Variants in TBCCD1 observed in about 807,000 individuals in gnomAD.
TBCCD1 encodes the protein TBCC domain-containing protein 1.
A neutral mutation model predicts 53.4 loss-of-function variants in TBCCD1; 26 were observed. The observed-to-expected ratio is 0.49, with a 90% CI of 0.36 to 0.68. The LOEUF (loss-of-function observed/expected upper bound fraction) is 0.68, where lower values mean the gene tolerates loss of function less well. TBCCD1 is among the 30% of genes least tolerant of loss of function. TBCCD1 has a pLI of 0.00. For synonymous variants in TBCCD1, 245 were observed against 241.7 expected (o/e 1.01, Z -0.13); for missense variants, 558 against 669.5 (o/e 0.83, Z 1.84).
rs1714519600 is a variant in TBCCD1, at chr3:186,555,654, G to T, written c.860-570C>A. 2.0e-5 allele frequency among the ~76,000 whole-genome samples: 3 copies of T among 152,088 alleles called. No individual in the cohort carries two copies. In the South Asian group the frequency reaches 6.2e-4, roughly 32 times the overall value. ...GTTCACTGTAACCTCCACCTCCCAGGTTCAAGAGATTCTCCTGCCTCAGCG... is the reference window on the plus strand; with the variant it reads ...GTTCACTGTAACCTCCACCTCCCAGTTTCAAGAGATTCTCCTGCCTCAGCG... On this transcript the variant is annotated intron_variant, in intron 4 of 7. Transcript: ENST00000338733.
chr3:186,560,831 T>C (rs755189531), intron 2 of TBCCD1, among the ~76,000 whole-genome samples: 2 of 152,210 alleles, frequency 1.3e-5, no homozygotes, highest in Admixed American at 6.5e-5. Context: ...CTCACACATA[T>C]ATGGTCAACT....
upstream of TBCCD1, chr3:186,567,479 G>A (rs557454444): frequency 3.9e-5 from 6 of 152,156 alleles, no homozygotes; most frequent in Admixed American, 1.3e-4. Context: ...GGGGTCGAGA[G>A]TCCGCAACAG....
At chr3:186,553,828 A>C (rs1714444917) in intron 6 of TBCCD1, among the ~76,000 whole-genome samples, 1 of 152,152 alleles carries the variant, frequency 6.6e-6, no homozygotes, top group African/African-American at 2.4e-5. Context: ...TTGAAATCCA[A>C]ACCTTAATTT....
intron 2 of TBCCD1, among the ~76,000 whole-genome samples, chr3:186,561,599 C>G (rs1025696447): frequency 3.3e-5 from 5 of 152,126 alleles, no homozygotes; most frequent in Admixed American, 1.3e-4. Context: ...ACCATCCTGG[C>G]TAACATGGTG....
At chr3:186,563,363 C>T (rs1197309663) in intron 2 of TBCCD1, among the ~76,000 whole-genome samples, 1 of 152,154 alleles carries the variant, frequency 6.6e-6, no homozygotes, top group Non-Finnish European at 1.5e-5. Context: ...TTTTATTATA[C>T]ATATCACACT....
upstream of TBCCD1, among the ~76,000 whole-genome samples, chr3:186,569,786 T>G (rs938667078): frequency 9.9e-5 from 15 of 152,112 alleles, no homozygotes; most frequent in African/African-American, 3.6e-4. Context: ...GGAGATGTAG[T>G]GAACAGATTG....
At chr3:186,557,889 T>C (rs1714586467) in intron 3 of TBCCD1, among the ~76,000 whole-genome samples, 1 of 152,190 alleles carries the variant, frequency 6.6e-6, no homozygotes, top group Admixed American at 6.5e-5. Flanking sequence ...TTTTTCAATA[T>C]ACTTACACAA....
At chr3:186,566,878 G>A (rs559231854) in intron 1 of TBCCD1, among the ~76,000 whole-genome samples, 1 of 152,342 alleles carries the variant, frequency 6.6e-6, no homozygotes, top group South Asian at 2.1e-4. Context: ...GCTGCTCTGT[G>A]AGGTACTGAG....
chr3:186,569,978 A>G (rs1714965998), upstream of TBCCD1: 4 of 597,752 alleles, frequency 6.7e-6, no homozygotes, highest in Non-Finnish European at 1.2e-5. Context: ...CCTGCTTACT[A>G]TACGCCCGAT....
Position 186,564,197 on chromosome 3 carries a change from T to A in TBCCD1, c.133A>T (p.Thr45Ser). 1 of 1,614,158 alleles carries A rather than the reference T, an allele frequency of 6.2e-7. No homozygotes were observed. Among genetic ancestry groups the A allele is most frequent in the African/African-American group, 1.3e-5 (1 of 75,018 alleles). The change falls in exon 2 of 8, where the codon ACA (threonine) becomes TCA (serine). Residue 45 changes from threonine to serine, a missense_variant. Thr to Ser is a moderately conservative substitution (Grantham distance 58). Transcript: ENST00000338733. ...TAGAGGCGCGGGTAAGCTCCTTCTG[T>A]GGCCCGGATTTGCACATAGGTGGAT... is the stretch of plus-strand genomic sequence containing the variant. Reference protein sequence around the residue: ...KISTYVQIRATEGAYPRLYWS... With the variant: ...KISTYVQIRASEGAYPRLYWS...
rs558535488 is a variant in TBCCD1, at chr3:186,547,587, T to C, written c.*22-632A>G. Among the ~76,000 whole-genome samples, 11 of 151,416 alleles carry C rather than the reference T, an allele frequency of 7.3e-5. 1 individual carries two copies. The South Asian group carries it at 2.3e-3, about 32-fold the overall frequency. The stretch of plus-strand genomic sequence containing the variant: ...CTAATTCTTAATTCTCAGCATTTAT[T>C]AATAAATATTGCTAAATTCTTTTTT... On this transcript the variant is annotated intron_variant, in intron 7 of 7. Coordinates refer to ENST00000338733, the MANE Select transcript of TBCCD1 (RefSeq NM_018138.5).
chr3:186,563,836 G>A lies in TBCCD1; in HGVS notation c.336+158C>T, dbSNP rs565951550. Among the ~76,000 whole-genome samples the A allele has an allele frequency of 1.1e-4, 17 of 152,328 alleles. No homozygotes were observed. The South Asian group carries it at 3.3e-3, about 30-fold the overall frequency. ...CCTAACATTTTGGGAGGCCGAGGCA[G>A]GAAGACTGCTTGAAGCCGGGAGTTC... On this transcript the variant is annotated intron_variant, in intron 2 of 7. Coordinates refer to ENST00000338733, the MANE Select transcript of TBCCD1 (RefSeq NM_018138.5).
chr3:186,564,376 G>A lies in TBCCD1; in HGVS notation c.-43-4C>T. ...GTGAAAAGGCTTCTTTGCATACCTA[G>A]GAAACAAAGTTTCTTCATAAACTGA... On this transcript the variant is annotated splice_region_variant and splice_polypyrimidine_tract_variant and intron_variant, in intron 1 of 7. Coordinates refer to ENST00000338733, the MANE Select transcript of TBCCD1 (RefSeq NM_018138.5). The A allele has an allele frequency of 6.6e-7, 1 of 1,510,506 alleles. No homozygotes were observed. The highest frequency in any genetic ancestry group is 8.9e-7 in the Non-Finnish European group (1 of 1,123,570). 93.6% of individuals were successfully genotyped at this position (1,510,506 alleles called of 1,614,324 possible).
chr3:186,565,488 T>C (rs1714802710), intron 1 of TBCCD1, among the ~76,000 whole-genome samples: 1 of 152,212 alleles, frequency 6.6e-6, no homozygotes, highest in African/African-American at 2.4e-5. Flanking sequence ...CACAATTCTG[T>C]ACTGTTTCAA....
Position 186,554,454 on chromosome 3 carries a change from C to T in TBCCD1, c.1344G>A (p.Val448=). 6.2e-7 allele frequency: 1 copy of T among 1,614,228 alleles called. No homozygotes were observed. The highest frequency in any genetic ancestry group is 8.5e-7 in the Non-Finnish European group (1 of 1,180,042). The part of the protein sequence containing the change: ...VPNYWDNPMV[V]CRENSDTRVF... ...CTCTTGTGTCGCTGTTCTCTCTGCA[C>T]ACAACCATTGGATTATCCCAATAGT... Residue 448 remains valine, a synonymous_variant, in exon 6 of 8, where the codon GTG becomes GTA. Transcript: ENST00000338733.
At chr3:186,557,862 C>T (rs891707645) in intron 3 of TBCCD1, among the ~76,000 whole-genome samples, 5 of 151,968 alleles carry the variant, frequency 3.3e-5, no homozygotes, top group African/African-American at 9.7e-5. Flanking sequence ...ATACTGAGGC[C>T]TACATTTTAC....
intron 2 of TBCCD1, among the ~76,000 whole-genome samples, chr3:186,560,151 G>GAAGAAATATATA (rs752199213): frequency 0.069 from 10,552 of 151,942 alleles, 431 homozygotes; most frequent in African/African-American, 0.12. Flanking sequence ...TAGGATCCTT[G>GAAGAAATATATA]CCTTTTCCAT....
upstream of TBCCD1, among the ~76,000 whole-genome samples, chr3:186,569,308 T>TTTATTTATTTATTTATTTA (rs1553849535): frequency 0.017 from 2,498 of 150,532 alleles, 45 homozygotes; most frequent in African/African-American, 0.038. Flanking sequence ...GACTTTTATT[T>TTTATTTATTTATTTATTTA]TTTATTTATT....
Position 186,550,576 on chromosome 3 carries a change from A to G in TBCCD1, c.*21+553T>C, listed in dbSNP as rs974815182. 4.0e-5 allele frequency among the ~76,000 whole-genome samples: 6 copies of G among 150,820 alleles called. No homozygotes were observed. In the Admixed American group the frequency reaches 4.0e-4, roughly 10 times the overall value. ...ACTCCAGCCTGGGCGAGAGACAGAG[A>G]CTCAGTCTCAAAAAAAAAAAAAAGA... On this transcript the variant is annotated intron_variant, in intron 7 of 7. Coordinates refer to ENST00000338733, the MANE Select transcript of TBCCD1 (RefSeq NM_018138.5).
Sources: gnomAD v4.1 joint callset for allele counts (sites outside exome capture counted in the v4.1 genomes callset) on GRCh38, gnomAD v4.1.1 for gene constraint, MANE v1.5 for transcripts, NCBI Gene and HGNC (gene_info 2026-07-23, HGNC 2026-07-21) for gene names.